The following CNTNAP2 variants were observed in gnomAD, a reference collection of about 807,000 sequenced individuals.
The protein encoded by CNTNAP2 is contactin associated protein 2, also known as contactin-associated protein-like 2.
CNTNAP2 carries 98 observed loss-of-function variants against 155.2 expected under a neutral mutation model. The ratio of observed to expected loss-of-function variants is 0.63; its 90% confidence interval spans 0.54 to 0.75. The LOEUF is 0.75. CNTNAP2 is among the 30% of genes least tolerant of loss of function. The pLI is 0.00. For missense variants in CNTNAP2, 1,727 were observed against 1,688.1 expected, an observed-to-expected ratio of 1.02 and a Z score of -0.40; for synonymous variants, 651 against 631.2, an observed-to-expected ratio of 1.03 and a Z score of -0.47.
intron 1 of CNTNAP2, among the ~76,000 whole-genome samples, chr7:146,492,240 G>GGA (rs754327611): frequency 0.016 from 2,282 of 139,060 alleles, 50 homozygotes; most frequent in African/African-American, 0.055. Context: ...AGAGAGAGGG[G>GGA]GAGAGAGAGA....
At chr7:146,518,156 C>G (rs1797568016) in intron 1 of CNTNAP2, among the ~76,000 whole-genome samples, 1 of 151,584 alleles carries the variant, frequency 6.6e-6, no homozygotes, top group Non-Finnish European at 1.5e-5. Context: ...ATATGAAAAG[C>G]ATTCTGTATG....
chr7:148,036,549 C>A (rs1433918306), intron 15 of CNTNAP2, among the ~76,000 whole-genome samples: 2 of 151,998 alleles, frequency 1.3e-5, no homozygotes, highest in African/African-American at 2.4e-5. Context: ...AGCAAGAAGG[C>A]CCTCACAAGA....
chr7:147,013,311 C>T lies in CNTNAP2; in HGVS notation c.403-30596C>T, dbSNP rs187746763. Among the ~76,000 whole-genome samples the T allele has an allele frequency of 7.9e-5, 12 of 152,112 alleles. 1 individual carries two copies. In the South Asian group the frequency reaches 1.5e-3, roughly 18 times the overall value. ...CTAAATATTGAGGGGTGTACTAGACCTGGAGGGAAGTGAAGGAAATATTAA... is the reference window on the plus strand; with the variant it reads ...CTAAATATTGAGGGGTGTACTAGACTTGGAGGGAAGTGAAGGAAATATTAA... On this transcript the variant is annotated intron_variant, in intron 3 of 23. Transcript: ENST00000361727.
intron 18 of CNTNAP2, among the ~76,000 whole-genome samples, chr7:148,213,728 G>A (rs11772339): frequency 0.32 from 48,497 of 151,556 alleles, 8,146 homozygotes; most frequent in Admixed American, 0.43. Context: ...GGCCCGCCCT[G>A]CCTGCCCTTC....
intron 10 of CNTNAP2, among the ~76,000 whole-genome samples, chr7:147,400,017 T>C (rs1796884738): frequency 6.6e-6 from 1 of 152,202 alleles, no homozygotes; most frequent in Non-Finnish European, 1.5e-5. Context: ...TGTTACTCTC[T>C]TTTACTCATT....
At chr7:146,907,412 T>A (rs1053910543) in intron 3 of CNTNAP2, among the ~76,000 whole-genome samples, 3 of 147,912 alleles carry the variant, frequency 2.0e-5, no homozygotes, top group African/African-American at 7.6e-5. Context: ...AAGGTCAGGT[T>A]ACCCTCAAAG....
intron 9 of CNTNAP2, among the ~76,000 whole-genome samples, chr7:147,343,772 C>T (rs1326885867): frequency 6.6e-6 from 1 of 151,944 alleles, no homozygotes; most frequent in Admixed American, 6.6e-5. Context: ...TTCCATTCAC[C>T]AGGTTAATTC....
At chr7:146,207,366 G>A (rs1298677307) in intron 1 of CNTNAP2, among the ~76,000 whole-genome samples, 1 of 151,690 alleles carries the variant, frequency 6.6e-6, no homozygotes, top group African/African-American at 2.4e-5. Flanking sequence ...TTCTTTAATG[G>A]GGATTAAAAT....
At chr7:146,225,285 A>G (rs1799275503) in intron 1 of CNTNAP2, among the ~76,000 whole-genome samples, 1 of 152,228 alleles carries the variant, frequency 6.6e-6, no homozygotes, top group Admixed American at 6.5e-5. Flanking sequence ...GCAAATAAAG[A>G]CAATCTAAGC....
At chr7:147,850,233 A>T (rs1798906526) in intron 13 of CNTNAP2, among the ~76,000 whole-genome samples, 1 of 152,250 alleles carries the variant, frequency 6.6e-6, no homozygotes, top group Non-Finnish European at 1.5e-5. Flanking sequence ...CTCTTCAAGG[A>T]GAACTACAAA....
intron 1 of CNTNAP2, among the ~76,000 whole-genome samples, chr7:146,501,458 A>T (rs951527691): frequency 7.2e-5 from 11 of 152,046 alleles, no homozygotes; most frequent in Admixed American, 2.6e-4. Context: ...GTGTCTTCCT[A>T]GGAATTTGCC....
chr7:148,414,927 A>G, intron 23 of CNTNAP2: 1 of 208,444 alleles, frequency 4.8e-6, no homozygotes, highest in Non-Finnish European at 9.8e-6. Flanking sequence ...CCACAAATTC[A>G]GAGAGACTTA....
At chr7:146,228,511 T>C (rs1318975451) in intron 1 of CNTNAP2, among the ~76,000 whole-genome samples, 1 of 152,216 alleles carries the variant, frequency 6.6e-6, no homozygotes, top group Non-Finnish European at 1.5e-5. Flanking sequence ...TATGTAAATA[T>C]TGGATATTTT....
At chr7:147,181,376 T>G (rs944497642) in intron 8 of CNTNAP2, among the ~76,000 whole-genome samples, 1 of 152,234 alleles carries the variant, frequency 6.6e-6, no homozygotes, top group South Asian at 2.1e-4. Context: ...TATATTATTT[T>G]ACTAGAAAAC....
At chr7:146,508,341 G>A (rs564107517) in intron 1 of CNTNAP2, among the ~76,000 whole-genome samples, 2 of 152,302 alleles carry the variant, frequency 1.3e-5, no homozygotes, top group South Asian at 4.1e-4. Flanking sequence ...AAACCAAGCT[G>A]TGAAAAATAT....
intron 18 of CNTNAP2, among the ~76,000 whole-genome samples, chr7:148,211,542 G>A (rs1795550427): frequency 6.6e-6 from 1 of 152,120 alleles, no homozygotes; most frequent in South Asian, 2.1e-4. Flanking sequence ...CTTGAAGTCG[G>A]ACAAGGTGGC....
At chr7:146,250,894 A>G (rs1275777014) in intron 1 of CNTNAP2, among the ~76,000 whole-genome samples, 2 of 152,206 alleles carry the variant, frequency 1.3e-5, no homozygotes, top group Non-Finnish European at 2.9e-5. Context: ...TAAAATTACC[A>G]TGCATACTGT....
intron 1 of CNTNAP2, among the ~76,000 whole-genome samples, chr7:146,712,183 T>C (rs1801096923): frequency 8.6e-6 from 1 of 116,872 alleles, no homozygotes; most frequent in Non-Finnish European, 1.7e-5. Flanking sequence ...TATGTATACA[T>C]ATCTTATGTA....
intron 1 of CNTNAP2, among the ~76,000 whole-genome samples, chr7:146,151,653 T>TACAC (rs1554396851): frequency 1.3e-3 from 31 of 23,706 alleles, no homozygotes; most frequent in African/African-American, 4.1e-3. Context: ...TATATATATA[T>TACAC]ATATATATAT....
Sources: allele counts gnomAD v4.1 joint callset (sites outside exome capture counted in the v4.1 genomes callset), GRCh38; gene constraint gnomAD v4.1.1; transcripts MANE v1.5; gene names NCBI Gene and HGNC (gene_info 2026-07-23, HGNC 2026-07-21).